Variants in FAM53B observed in about 807,000 individuals in gnomAD.
FAM53B encodes family with sequence similarity 53 member B, also known as protein FAM53B.
In FAM53B, 12 loss-of-function variants were observed where a neutral mutation model predicts 32.7. The ratio of observed to expected loss-of-function variants is 0.37; its 90% CI spans 0.24 to 0.59. The LOEUF (loss-of-function observed/expected upper bound fraction) is 0.59, where lower values mean the gene tolerates loss of function less well. FAM53B is among the 20% of genes least tolerant of loss of function. The pLI is 0.72. For missense variants in FAM53B, 477 were observed against 577.7 expected (o/e 0.83, Z 1.79); for synonymous variants, 234 against 228.7 (o/e 1.02, Z -0.21).
intron 1 of FAM53B, among the ~76,000 whole-genome samples, chr10:124,711,798 A>T (rs1395087599): frequency 2.6e-5 from 4 of 152,104 alleles, no homozygotes; most frequent in Non-Finnish European, 4.4e-5. Flanking sequence ...CGCACCAGTG[A>T]TCCCAGCATT....
At chr10:124,688,148 C>T (rs1949813587) in intron 3 of FAM53B, among the ~76,000 whole-genome samples, 1 of 152,164 alleles carries the variant, frequency 6.6e-6, no homozygotes. Context: ...CTCCTATGAA[C>T]AAGATGAGTG....
Position 124,744,279 on chromosome 10 carries a change from C to A in FAM53B, c.-441G>T, listed in dbSNP as rs1260493542. ...AGACCGCGGCTGCGTGAACTCGGCC[C>A]GGCGCTTAGCGGGCGGTGTCGCGGG... On this transcript the variant is annotated 5_prime_UTR_variant, in exon 1 of 5. Transcript: ENST00000337318. The A allele has an allele frequency of 2.0e-5, 3 of 147,534 alleles. No homozygotes were observed. The highest frequency in any genetic ancestry group is 7.3e-5 in the African/African-American group (3 of 40,932). The allele number at this position is 147,534 out of a possible 1,614,324, so 9.1% of individuals were successfully genotyped here. A position where few individuals can be genotyped will look rare whatever the true frequency, so the allele number is the denominator to read the frequency against.
chr10:124,720,454 T>G (rs1247594640), intron 1 of FAM53B, among the ~76,000 whole-genome samples: 3 of 152,144 alleles, frequency 2.0e-5, no homozygotes, highest in East Asian at 1.9e-4. Flanking sequence ...AGTGAGGTCC[T>G]AGCTTCGAAA....
At chr10:124,634,428 T>A (rs1751526153) in intron 4 of FAM53B, among the ~76,000 whole-genome samples, 1 of 152,200 alleles carries the variant, frequency 6.6e-6, no homozygotes, top group Admixed American at 6.5e-5. Context: ...ATCCCCACGT[T>A]TCGTGGGAGG....
At chr10:124,677,760 G>A (rs530995708) in intron 4 of FAM53B, among the ~76,000 whole-genome samples, 1 of 152,326 alleles carries the variant, frequency 6.6e-6, no homozygotes, top group African/African-American at 2.4e-5. Context: ...ACAGACAAGA[G>A]CCCCCACTGC....
chr10:124,634,280 G>A (rs922194573), intron 4 of FAM53B, among the ~76,000 whole-genome samples: 19 of 152,314 alleles, frequency 1.2e-4, no homozygotes, highest in African/African-American at 4.1e-4. Context: ...AAAGCATGAC[G>A]CTAAGTGAAG....
chr10:124,628,873 A>G lies in FAM53B; in HGVS notation c.907-5269T>C, dbSNP rs536685414. 5.9e-5 allele frequency among the ~76,000 whole-genome samples: 9 copies of G among 152,300 alleles called. No individual in the cohort carries two copies. The East Asian group carries it at 1.7e-3, about 29-fold the overall frequency. Reference sequence around the variant, plus strand: ...CAGCTCCCAAAGCACCAGGCTGAGAAGCGACTTCAGCTGAGCCCACCTCTT... The same window carrying G: ...CAGCTCCCAAAGCACCAGGCTGAGAGGCGACTTCAGCTGAGCCCACCTCTT... On this transcript the variant is annotated intron_variant, in intron 4 of 4. Transcript: ENST00000337318.
At chr10:124,658,702 C>T (rs1417957273) in intron 4 of FAM53B, among the ~76,000 whole-genome samples, 2 of 152,198 alleles carry the variant, frequency 1.3e-5, no homozygotes, top group East Asian at 3.9e-4. Flanking sequence ...CAGCAACATC[C>T]CTGCACTTCA....
chr10:124,619,426 C>A lies in FAM53B; in HGVS notation c.*3816G>T. ...TGCAGGGGCGGGCAGACCCTGGGCC[C>A]CGGGTCTACGCTTTCTGGTCGCCAC... On this transcript the variant is annotated 3_prime_UTR_variant, in exon 5 of 5. Transcript: ENST00000337318. The A allele has an allele frequency of 6.6e-6, 1 of 152,582 alleles. No individual in the cohort carries two copies. The allele number at this position is 152,582 out of a possible 1,614,324, so 9.5% of individuals were successfully genotyped here.
chr10:124,687,254 T>C (rs1949808169), intron 3 of FAM53B, among the ~76,000 whole-genome samples: 1 of 152,138 alleles, frequency 6.6e-6, no homozygotes, highest in African/African-American at 2.4e-5. Context: ...AGGGCCTCGG[T>C]AGGCCTCCGA....
At chr10:124,624,665 G>A (rs571157883) in intron 4 of FAM53B, among the ~76,000 whole-genome samples, 438 of 152,304 alleles carry the variant, frequency 2.9e-3, no homozygotes, top group South Asian at 0.011. Flanking sequence ...GGCAGAGCTT[G>A]AACAGGATTT....
intron 1 of FAM53B, chr10:124,743,018 G>A (rs558945529): frequency 1.3e-5 from 2 of 152,322 alleles, no homozygotes; most frequent in African/African-American, 2.4e-5. Context: ...GGCTTCAGGG[G>A]GCGTCCGAAC....
chr10:124,622,695 A>G lies in FAM53B; in HGVS notation c.*547T>C, dbSNP rs1349748388. 6.5e-6 allele frequency: 1 copy of G among 152,952 alleles called. No individual in the cohort carries two copies. 9.5% of individuals were successfully genotyped at this position (152,952 alleles called of 1,614,324 possible). The stretch of plus-strand genomic sequence containing the variant: ...AAATGGTTCTGGTGTTACAGAAGGA[A>G]GCATCTCCCGAACCTTCCCAAGCCT... On this transcript the variant is annotated 3_prime_UTR_variant, in exon 5 of 5. Coordinates refer to ENST00000337318, the MANE Select transcript of FAM53B (RefSeq NM_014661.4).
At chr10:124,721,388 TGCCGGAGGTG>T (rs1950067615) in intron 1 of FAM53B, among the ~76,000 whole-genome samples, 1 of 152,222 alleles carries the variant, frequency 6.6e-6, no homozygotes, top group Non-Finnish European at 1.5e-5. Context: ...GTCTAGCAAG[TGCCGGAGGTG>T]GCATCCACAT....
intron 1 of FAM53B, among the ~76,000 whole-genome samples, chr10:124,736,203 G>A (rs1359943905): frequency 6.6e-6 from 1 of 152,252 alleles, no homozygotes; most frequent in African/African-American, 2.4e-5. Context: ...AGCAAGGTGA[G>A]AAATCAGAGG....
At chr10:124,661,599 G>A (rs889983310) in intron 4 of FAM53B, among the ~76,000 whole-genome samples, 7 of 152,174 alleles carry the variant, frequency 4.6e-5, no homozygotes, top group Non-Finnish European at 1.0e-4. Flanking sequence ...TAGGCCTCAA[G>A]GCCAGGGCAG....
chr10:124,722,549 T>C (rs897388219), intron 1 of FAM53B, among the ~76,000 whole-genome samples: 24 of 152,146 alleles, frequency 1.6e-4, no homozygotes, highest in Admixed American at 1.3e-4. Context: ...GGAGCGGAAA[T>C]GGGTAGCCGG....
chr10:124,677,060 C>T (rs1949740528), intron 4 of FAM53B, among the ~76,000 whole-genome samples: 1 of 152,164 alleles, frequency 6.6e-6, no homozygotes. Context: ...TCAAGCTGAC[C>T]AGCTTGGAGT....
chr10:124,677,796 G>A (rs1949745658), intron 4 of FAM53B, among the ~76,000 whole-genome samples: 1 of 152,232 alleles, frequency 6.6e-6, no homozygotes, highest in African/African-American at 2.4e-5. Flanking sequence ...TGTGCCCCAG[G>A]GACGTGGCTA....
Sources: allele counts gnomAD v4.1 joint callset (sites outside exome capture counted in the v4.1 genomes callset), GRCh38; gene constraint gnomAD v4.1.1; transcripts MANE v1.5; gene names NCBI Gene and HGNC (gene_info 2026-07-23, HGNC 2026-07-21).